Variants in MLLT10 observed in about 807,000 individuals in gnomAD.
The protein encoded by MLLT10 is MLLT10 histone lysine methyltransferase DOT1L cofactor, also known as protein AF-10.
Under a neutral mutation model 129.1 loss-of-function variants are expected in MLLT10, and 30 were observed. The ratio of observed to expected loss-of-function variants is 0.23; its 90% CI spans 0.17 to 0.32. The LOEUF is 0.32. Ranked by LOEUF, MLLT10 falls within the 10% of genes least tolerant of loss-of-function variation. MLLT10 has a pLI of 1.00. For synonymous variants in MLLT10, 490 were observed against 446.4 expected, an observed-to-expected ratio of 1.10 and a Z score of -1.23; for missense variants, 1,119 against 1,268.3, an observed-to-expected ratio of 0.88 and a Z score of 1.79.
intron 6 of MLLT10, among the ~76,000 whole-genome samples, chr10:21,614,368 G>C (rs1358370530): frequency 6.6e-6 from 1 of 151,938 alleles, no homozygotes; most frequent in Non-Finnish European, 1.5e-5. Context: ...ATTTAGTCTT[G>C]AGTGAATGCA....
chr10:21,670,579 A>C lies in MLLT10; in HGVS notation c.926A>C (p.Glu309Ala), dbSNP rs1222637536. 2.5e-6 allele frequency: 4 copies of C among 1,614,086 alleles called. No homozygotes were observed. Among genetic ancestry groups the C allele is most frequent in the Non-Finnish European group, 3.4e-6 (4 of 1,180,050 alleles). Residue 309 changes from glutamate to alanine, a missense_variant, in exon 10 of 23, where the codon GAG becomes GCG. This residue lies in a region of MLLT10 where 1,004 missense variants were observed against 1,008.7 expected (regional missense o/e 1.00). Coordinates refer to ENST00000307729, the MANE Select transcript of MLLT10 (RefSeq NM_001195626.3). ...ACCTCTAGTGGAAAAGATGTTTCAG[A>C]GACTAGAGGGTCAGAGGGCAAAGGG... ...AHTSSGKDVS[E>A]TRGSEGKGKK...
At chr10:21,562,828 T>TTTTTTTTTTTTTG (rs2039023689) in intron 3 of MLLT10, among the ~76,000 whole-genome samples, 1 of 139,574 alleles carries the variant, frequency 7.2e-6, no homozygotes, top group African/African-American at 2.7e-5. Flanking sequence ...GTTTTTTTTT[T>TTTTTTTTTTTTTG]TTTTTTTTTT....
chr10:21,692,334 T>G (rs905348344), intron 13 of MLLT10, among the ~76,000 whole-genome samples: 5 of 151,768 alleles, frequency 3.3e-5, no homozygotes, highest in Non-Finnish European at 7.4e-5. Context: ...TTATTATTAT[T>G]ATTATTATTA....
At chr10:21,543,251 G>C (rs1374674057) in intron 3 of MLLT10, among the ~76,000 whole-genome samples, 1 of 152,070 alleles carries the variant, frequency 6.6e-6, no homozygotes, top group Non-Finnish European at 1.5e-5. Context: ...CTCCCCAGTA[G>C]CTGGGGTTAC....
At chr10:21,700,866 C>G (rs2054841473) in intron 13 of MLLT10, among the ~76,000 whole-genome samples, 1 of 152,102 alleles carries the variant, frequency 6.6e-6, no homozygotes, top group South Asian at 2.1e-4. Flanking sequence ...GGAGAATTCC[C>G]TTCTCTTGGA....
intron 13 of MLLT10, among the ~76,000 whole-genome samples, chr10:21,712,196 A>G (rs946197652): frequency 4.0e-5 from 6 of 149,122 alleles, no homozygotes; most frequent in Non-Finnish European, 7.4e-5. Flanking sequence ...ATATAAGTCA[A>G]TAACTTCATT....
chr10:21,625,523 C>T, intron 8 of MLLT10: 1 of 854,986 alleles, frequency 1.2e-6, no homozygotes, highest in Non-Finnish European at 2.0e-6. Context: ...TTTACTTTTC[C>T]AGCATCTGGC....
intron 2 of MLLT10, among the ~76,000 whole-genome samples, chr10:21,537,807 TA>T (rs1250433162): frequency 6.6e-6 from 1 of 152,178 alleles, no homozygotes; most frequent in Non-Finnish European, 1.5e-5. Context: ...ATATTTAAGA[TA>T]TTTTCATATT....
chr10:21,651,838 C>T, intron 9 of MLLT10, 70 bp downstream of exon 9: 1 of 911,850 alleles, frequency 1.1e-6, no homozygotes, highest in Admixed American at 2.3e-5. Context: ...CCTCTAAAAA[C>T]TGTTTTCATT....
At chr10:21,643,184 C>T (rs2048182179) in intron 8 of MLLT10, among the ~76,000 whole-genome samples, 1 of 152,168 alleles carries the variant, frequency 6.6e-6, no homozygotes, top group African/African-American at 2.4e-5. Flanking sequence ...TGGCACATGC[C>T]ACCATGCCCA....
Position 21,733,058 on chromosome 10 carries a change from A to G in MLLT10, c.2378A>G (p.His793Arg). Residue 793 changes from histidine to arginine, a missense_variant, in exon 18 of 23, where the codon CAT becomes CGT. Around this residue, in one of 5 missense-constraint regions of MLLT10, gnomAD observed 1,004 missense variants for 1,008.7 expected, o/e 1.00. Coordinates refer to ENST00000307729, the MANE Select transcript of MLLT10 (RefSeq NM_001195626.3). Reference sequence around the variant, plus strand: ...ATAACAGCAAATCCTAGTCCGTCTCATCAAATACACACATTTTCAGCACAG... The same window carrying G: ...ATAACAGCAAATCCTAGTCCGTCTCGTCAAATACACACATTTTCAGCACAG... The part of the protein sequence containing the change: ...PTITANPSPS[H>R]QIHTFSAQTA... 6.2e-7 allele frequency: 1 copy of G among 1,612,324 alleles called. No individual in the cohort carries two copies. The highest frequency in any genetic ancestry group is 8.5e-7 in the Non-Finnish European group (1 of 1,179,244).
chr10:21,549,002 G>T (rs910878708), intron 3 of MLLT10, among the ~76,000 whole-genome samples: 14 of 151,928 alleles, frequency 9.2e-5, no homozygotes, highest in Admixed American at 7.9e-4. Flanking sequence ...TGGGATTCCT[G>T]TTCCTCTACC....
Position 21,611,953 on chromosome 10 carries a change from T to C in MLLT10, c.406-395T>C, listed in dbSNP as rs371196676. 2.6e-5 allele frequency among the ~76,000 whole-genome samples: 4 copies of C among 152,306 alleles called. No individual in the cohort carries two copies. The East Asian group carries it at 7.7e-4, about 29-fold the overall frequency. ...TTTCAAACCCTCTTAGATATGATTA[T>C]TTCCTGCAGAGGGGAAAGATAAACA... On this transcript the variant is annotated intron_variant, in intron 5 of 22. Coordinates refer to ENST00000307729, the MANE Select transcript of MLLT10 (RefSeq NM_001195626.3).
chr10:21,733,631 C>G (rs1043615754), intron 19 of MLLT10, 39 bp downstream of exon 19: 1 of 1,471,896 alleles, frequency 6.8e-7, no homozygotes, highest in Non-Finnish European at 9.1e-7. Context: ...TGTTGATTTA[C>G]TTGTGAATAA....
intron 13 of MLLT10, among the ~76,000 whole-genome samples, chr10:21,690,035 T>A (rs2053705965): frequency 1.3e-5 from 2 of 151,908 alleles, no homozygotes. Context: ...TAGCACAGAA[T>A]TAAATAGAGC....
intron 13 of MLLT10, 33 bp downstream of exon 13, chr10:21,682,290 G>A (rs375061772): frequency 6.2e-5 from 99 of 1,594,534 alleles, no homozygotes; most frequent in Non-Finnish European, 7.7e-5. Flanking sequence ...CTAGTGGTTC[G>A]TTTATCACAA....
At chr10:21,687,673 G>C (rs1284197469) in intron 13 of MLLT10, among the ~76,000 whole-genome samples, 2 of 152,176 alleles carry the variant, frequency 1.3e-5, no homozygotes, top group Non-Finnish European at 2.9e-5. Context: ...TTAAAAAAAG[G>C]GGAAGGGAAC....
intron 8 of MLLT10, chr10:21,624,735 G>A (rs760124057): frequency 4.3e-5 from 55 of 1,276,052 alleles, no homozygotes; most frequent in Admixed American, 1.1e-4. Context: ...TTGGTCTGAC[G>A]ATGCTTGGAA....
intron 3 of MLLT10, among the ~76,000 whole-genome samples, chr10:21,583,195 T>C (rs139932813): frequency 1.3e-5 from 2 of 152,216 alleles, no homozygotes; most frequent in East Asian, 3.9e-4. Context: ...AAAGTGTTTA[T>C]GTAGCATATA....
Sources: gnomAD v4.1 joint callset for allele counts (sites outside exome capture counted in the v4.1 genomes callset) on GRCh38, gnomAD v4.1.1 for gene constraint, gnomAD v4.1.1 regional missense constraint, MANE v1.5 for transcripts, NCBI Gene and HGNC (gene_info 2026-07-23, HGNC 2026-07-21) for gene names.